FDFT1: variants seen among roughly 807,000 people sequenced by gnomAD.
The protein encoded by FDFT1 is farnesyl-diphosphate farnesyltransferase 1.
FDFT1 carries 68 observed loss-of-function variants against 46.8 expected under a neutral mutation model. The observed-to-expected ratio is 1.45, with a 90% confidence interval of 1.19 to 1.78. The LOEUF is 1.78. FDFT1 is among the 40% of genes most tolerant of loss of function. The pLI is 0.00. For synonymous variants in FDFT1, 351 were observed against 185.1 expected (o/e 1.90, Z -7.28); for missense variants, 928 against 524.4 (o/e 1.77, Z -7.52).
chr8:11,803,066 C>G (rs529873557), intron 1 of FDFT1, 135 bp downstream of exon 1: 10 of 1,452,468 alleles, frequency 6.9e-6, no homozygotes, highest in Middle Eastern at 2.5e-4. Flanking sequence ...TCCCGTCCCC[C>G]TTTCCTCGAG....
chr8:11,812,749 T>C (rs145974778), intron 3 of FDFT1, among the ~76,000 whole-genome samples: 1 of 152,238 alleles, frequency 6.6e-6, no homozygotes, highest in African/African-American at 2.4e-5. Context: ...AATACAGTGT[T>C]CTAACCCAGT....
rs117522355 is a variant in FDFT1, at chr8:11,807,422, C to A, written c.100-1372C>A. Among the ~76,000 whole-genome samples the A allele has an allele frequency of 9.2e-5, 14 of 152,290 alleles. No individual in the cohort carries two copies. The East Asian group carries it at 2.1e-3, about 23-fold the overall frequency. ...AAGTGATTCTCCCACCTTGGCCTTC[C>A]GAAGTGCAGGGATTATAGGCGTGCG... On this transcript the variant is annotated intron_variant, in intron 1 of 7. Coordinates refer to ENST00000220584, the MANE Select transcript of FDFT1 (RefSeq NM_004462.5).
rs986146100 is a variant in FDFT1 at position 11,821,678 on chromosome 8, T to A, written c.382-72T>A. On this transcript the variant is annotated intron_variant, in intron 3 of 7. Transcript: ENST00000220584. ...CAGTCATGATTAATTCCGCCATTGTTTGCCTTGTGATCTTTGGTGCCATGT... is the reference window on the plus strand; with the variant it reads ...CAGTCATGATTAATTCCGCCATTGTATGCCTTGTGATCTTTGGTGCCATGT... The A allele has an allele frequency of 5.2e-6, 8 of 1,541,496 alleles. No individual in the cohort carries two copies. In the African/African-American group the frequency reaches 9.5e-5, roughly 18 times the overall value.
upstream of FDFT1, chr8:11,802,049 G>GT (rs1310644479): frequency 2.2e-6 from 1 of 455,754 alleles, no homozygotes; most frequent in African/African-American, 2.0e-5. Flanking sequence ...CCACATTCCT[G>GT]TTACAGGCTC....
At position 11,838,741 on chromosome 8, in the gene FDFT1, T is replaced by C; in HGVS notation, c.*132T>C. On this transcript the variant is annotated 3_prime_UTR_variant, in exon 8 of 8. Coordinates refer to ENST00000220584, the MANE Select transcript of FDFT1 (RefSeq NM_004462.5). The stretch of plus-strand genomic sequence containing the variant: ...AAAAGAACGCTGTGTGGCTGGGACC[T>C]TTAGGAAAGTGAAATGCAGGTGAGA... The C allele has an allele frequency of 1.3e-6, 1 of 744,160 alleles. No individual in the cohort carries two copies. The highest frequency in any genetic ancestry group is 2.3e-6 in the Non-Finnish European group (1 of 440,528). 46.1% of individuals were successfully genotyped at this position (744,160 alleles called of 1,614,324 possible). A position where few individuals can be genotyped will look rare whatever the true frequency, so the allele number is the denominator to read the frequency against.
At chr8:11,822,963 A>G (rs560362025) in intron 4 of FDFT1, among the ~76,000 whole-genome samples, 7 of 152,338 alleles carry the variant, frequency 4.6e-5, no homozygotes, top group East Asian at 3.9e-4. Context: ...TGAATTAAAA[A>G]AAATTTTTTT....
chr8:11,802,407 C>G (rs757863053), upstream of FDFT1: 3 of 457,348 alleles, frequency 6.6e-6, no homozygotes, highest in Non-Finnish European at 8.8e-6. Context: ...GCATCCTAAG[C>G]CCCACCGCCT....
chr8:11,831,815 A>G, intron 7 of FDFT1, 145 bp downstream of exon 7: 1 of 720,512 alleles, frequency 1.4e-6, no homozygotes. Flanking sequence ...ATCCTTTATA[A>G]GGAAAAAAGT....
chr8:11,835,991 A>AAAAAAAAAAAAAAAAAAAAAAAAAC (rs1244500548), intron 7 of FDFT1, among the ~76,000 whole-genome samples: 1 of 147,998 alleles, frequency 6.8e-6, no homozygotes, highest in African/African-American at 2.5e-5. Flanking sequence ...AAAAAAAAAA[A>AAAAAAAAAAAAAAAAAAAAAAAAAC]AAAATACAAA....
At chr8:11,834,156 G>C (rs1346009831) in intron 7 of FDFT1, among the ~76,000 whole-genome samples, 1 of 152,216 alleles carries the variant, frequency 6.6e-6, no homozygotes, top group African/African-American at 2.4e-5. Flanking sequence ...GTTGTAGCGA[G>C]CATGCACCTG....
At chr8:11,808,390 G>C in intron 1 of FDFT1, 4 of 1,235,370 alleles carry the variant, frequency 3.2e-6, no homozygotes, top group Non-Finnish European at 3.0e-6. Context: ...GGGGCTGCGG[G>C]GCGGGCCCGT....
chr8:11,796,506 C>T (rs888307877), intron 1 of FDFT1, among the ~76,000 whole-genome samples: 2 of 152,158 alleles, frequency 1.3e-5, no homozygotes, highest in Non-Finnish European at 2.9e-5. Flanking sequence ...TGATTCGGAG[C>T]TTGCTGTAGT....
chr8:11,815,976 T>C (rs9969615), intron 3 of FDFT1, among the ~76,000 whole-genome samples: 40,588 of 152,152 alleles, frequency 0.27, 6,417 homozygotes, highest in East Asian at 0.78. Context: ...GACTGCATTT[T>C]CTTCTAGGGT....
At chr8:11,802,021 C>G (rs1435904470), upstream of FDFT1, 2 of 455,900 alleles carry the variant, frequency 4.4e-6, no homozygotes, top group African/African-American at 2.0e-5. Context: ...CTGGAGAGAT[C>G]TAGGATGAGA....
chr8:11,802,182 C>T (rs1585842184), upstream of FDFT1: 6 of 441,964 alleles, frequency 1.4e-5, no homozygotes, highest in Admixed American at 7.4e-5. Flanking sequence ...GGCGGGCAGG[C>T]GAGCTGGGCT....
intron 1 of FDFT1, among the ~76,000 whole-genome samples, chr8:11,804,444 C>G (rs114625432): frequency 6.6e-6 from 1 of 152,010 alleles, no homozygotes; most frequent in Non-Finnish European, 1.5e-5. Context: ...GCTATTCTAG[C>G]TCTGATAATA....
intron 5 of FDFT1, among the ~76,000 whole-genome samples, chr8:11,826,562 C>A (rs35383383): frequency 0.2 from 31,069 of 152,120 alleles, 4,663 homozygotes; most frequent in East Asian, 0.77. Flanking sequence ...GCCTGTAATC[C>A]CAACAGTTTG....
intron 1 of FDFT1, among the ~76,000 whole-genome samples, chr8:11,796,222 A>G (rs903931309): frequency 1.3e-5 from 2 of 152,242 alleles, no homozygotes; most frequent in Non-Finnish European, 2.9e-5. Context: ...GTTTCTGTTA[A>G]TGGAAAAAGT....
Position 11,826,185 on chromosome 8 carries a change from G to T in FDFT1, c.672G>T (p.Gln224His), listed in dbSNP as rs775185192. The T allele has an allele frequency of 6.3e-7, 1 of 1,581,004 alleles. No individual in the cohort carries two copies. Among genetic ancestry groups the T allele is most frequent in the Admixed American group, 1.7e-5 (1 of 59,148 alleles). Reference sequence around the variant, plus strand: ...TCATCCGTGACTATCTGGAAGACCAGCAAGGAGGAAGAGAGTTCTGGCCTC... The same window carrying T: ...TCATCCGTGACTATCTGGAAGACCATCAAGGAGGAAGAGAGTTCTGGCCTC... ...TNIIRDYLED[Q>H]QGGREFWPQE... Residue 224 changes from glutamine to histidine, a missense_variant, in exon 5 of 8, where the codon CAG becomes CAT. Transcript: ENST00000220584.
Sources: gnomAD v4.1 joint callset for allele counts (sites outside exome capture counted in the v4.1 genomes callset) on GRCh38, gnomAD v4.1.1 for gene constraint, MANE v1.5 for transcripts, NCBI Gene and HGNC (gene_info 2026-07-23, HGNC 2026-07-21) for gene names.